Variants in FOCAD observed in about 807,000 individuals in gnomAD.
The protein encoded by FOCAD is focadhesin.
A neutral mutation model predicts 225.6 loss-of-function variants in FOCAD; 198 were observed. The observed-to-expected ratio is 0.88, with a 90% CI of 0.78 to 0.99. The LOEUF (loss-of-function observed/expected upper bound fraction) is 0.99. FOCAD is among the 50% of genes least tolerant of loss of function. The probability of loss-of-function intolerance (pLI) is 0.00; values close to 1 mark genes in which losing one functional copy is unlikely to be tolerated. For synonymous variants in FOCAD, 897 were observed against 755.0 expected, an observed-to-expected ratio of 1.19 and a Z score of -3.08; for missense variants, 2,713 against 2,123.6, an observed-to-expected ratio of 1.28 and a Z score of -5.46.
At chr9:20,683,017 G>A (rs1437147482), upstream of FOCAD, among the ~76,000 whole-genome samples, 1 of 152,044 alleles carries the variant, frequency 6.6e-6, no homozygotes, top group Non-Finnish European at 1.5e-5. Flanking sequence ...CGCCCTCCTC[G>A]GCCTCCCAAA....
rs376690505 is a variant in FOCAD, at chr9:20,948,327, A to G, written c.3732A>G (p.Gly1244=). 9 of 1,612,380 alleles carry G rather than the reference A, an allele frequency of 5.6e-6. No individual in the cohort carries two copies. Among genetic ancestry groups the G allele is most frequent in the Non-Finnish European group, 6.8e-6 (8 of 1,179,006 alleles). ...GNIVHGLSVC[G]HGKAEDLGSK... is the part of the protein sequence containing the mutation. ...TAGTTCATGGATTGTCTGTGTGTGG[A>G]CATGGAAAAGCTGAAGACTTGGGCA... Residue 1244 remains glycine (G), a synonymous_variant, in exon 31 of 44, where the codon GGA becomes GGG. Transcript: ENST00000338382.
At chr9:20,750,385 C>A (rs1421933005) in intron 5 of FOCAD, among the ~76,000 whole-genome samples, 1 of 152,112 alleles carries the variant, frequency 6.6e-6, no homozygotes, top group African/African-American at 2.4e-5. Context: ...ATTGTACCCA[C>A]TTATGTAGTT....
At chr9:20,791,575 A>G (rs1323230443) in intron 11 of FOCAD, among the ~76,000 whole-genome samples, 1 of 152,202 alleles carries the variant, frequency 6.6e-6, no homozygotes, top group East Asian at 1.9e-4. Flanking sequence ...TTCAAGGTAC[A>G]GTTTCTTTCC....
chr9:20,931,214 G>C (rs2132211175), intron 27 of FOCAD, among the ~76,000 whole-genome samples: 1 of 152,216 alleles, frequency 6.6e-6, no homozygotes, highest in East Asian at 1.9e-4. Context: ...TTCCATTCCT[G>C]TCTGTCTGAC....
chr9:20,768,533 GGT>G (rs1408920958), intron 7 of FOCAD, among the ~76,000 whole-genome samples: 4 of 151,512 alleles, frequency 2.6e-5, no homozygotes, highest in African/African-American at 9.7e-5. Flanking sequence ...TCCTTGAAGA[GGT>G]CCTTCACATC....
intron 15 of FOCAD, among the ~76,000 whole-genome samples, chr9:20,844,232 C>A (rs1826837402): frequency 6.6e-6 from 1 of 151,526 alleles, no homozygotes; most frequent in Non-Finnish European, 1.5e-5. Flanking sequence ...TTTATTTAAT[C>A]ATTCATGTTT....
At chr9:20,911,958 A>C (rs1271284213) in intron 22 of FOCAD, among the ~76,000 whole-genome samples, 1 of 152,164 alleles carries the variant, frequency 6.6e-6, no homozygotes, top group African/African-American at 2.4e-5. Context: ...ACTAGTAAAC[A>C]ATGAAATAAC....
intron 42 of FOCAD, 27 bp downstream of exon 42, chr9:20,990,401 A>G (rs1564253331): frequency 7.5e-6 from 12 of 1,609,210 alleles, no homozygotes; most frequent in Middle Eastern, 2.0e-4. Context: ...CCTGCTTAGC[A>G]GGGCAGGCAG....
At chr9:20,668,827 G>T (rs2131272978) in intron 2 of FOCAD, among the ~76,000 whole-genome samples, 1 of 152,286 alleles carries the variant, frequency 6.6e-6, no homozygotes, top group Admixed American at 6.5e-5. Flanking sequence ...ATTCTGGACG[G>T]AAACAAAATG....
intron 35 of FOCAD, among the ~76,000 whole-genome samples, chr9:20,962,767 G>A (rs996654431): frequency 6.6e-6 from 1 of 152,114 alleles, no homozygotes; most frequent in African/African-American, 2.4e-5. Context: ...TTTGTTTCCA[G>A]GTTTTACAAC....
chr9:20,707,700 G>A (rs1400890477), intron 1 of FOCAD, among the ~76,000 whole-genome samples: 1 of 152,098 alleles, frequency 6.6e-6, no homozygotes, highest in South Asian at 2.1e-4. Context: ...GAAGAAAAGG[G>A]GAGGTTGGTC....
At chr9:20,763,546 G>T (rs564507615) in intron 6 of FOCAD, among the ~76,000 whole-genome samples, 8 of 152,322 alleles carry the variant, frequency 5.3e-5, no homozygotes, top group African/African-American at 1.9e-4. Flanking sequence ...AAGTGTCAAG[G>T]AAGGACCTGA....
chr9:20,819,804 T>C lies in FOCAD; in HGVS notation c.1464T>C (p.Asn488=). 6.5e-7 allele frequency: 1 copy of C among 1,530,808 alleles called. No individual in the cohort carries two copies. The highest frequency in any genetic ancestry group is 8.8e-7 in the Non-Finnish European group (1 of 1,140,444). 94.8% of individuals were successfully genotyped at this position (1,530,808 alleles called of 1,614,324 possible). A position where few individuals can be genotyped will look rare whatever the true frequency, so the allele number is the denominator to read the frequency against. ...LAQADSSQVP[N]LIPVLMFKLG... ...TTAAAAATTCATTTTAGGTGCCAAA[T>C]CTGATTCCAGTTTTGATGTTCAAAT... Residue 488 remains asparagine (N), a synonymous_variant, in exon 12 of 44, where the codon AAT becomes AAC. Transcript: ENST00000338382.
intron 37 of FOCAD, among the ~76,000 whole-genome samples, chr9:20,979,327 C>T (rs924593924): frequency 5.3e-5 from 8 of 152,002 alleles, no homozygotes; most frequent in Non-Finnish European, 1.2e-4. Flanking sequence ...CCCTATTCAG[C>T]CTTGTTTCTG....
intron 4 of FOCAD, among the ~76,000 whole-genome samples, chr9:20,728,054 G>A (rs1367482778): frequency 6.6e-6 from 1 of 152,180 alleles, no homozygotes; most frequent in East Asian, 1.9e-4. Flanking sequence ...CATATACACA[G>A]TAGTAATTAT....
intron 41 of FOCAD, 90 bp from the exon 42 acceptor site, chr9:20,990,033 T>C: frequency 1.3e-6 from 2 of 1,492,172 alleles, no homozygotes; most frequent in Non-Finnish European, 1.8e-6. Flanking sequence ...GAAGATGACA[T>C]TGCCTCACGA....
intron 35 of FOCAD, among the ~76,000 whole-genome samples, chr9:20,968,916 A>C (rs1214722270): frequency 6.6e-6 from 1 of 152,100 alleles, no homozygotes; most frequent in African/African-American, 2.4e-5. Context: ...ATTGCTGTAG[A>C]TGTCCCCCAG....
chr9:20,805,896 C>G (rs984789720), intron 11 of FOCAD, among the ~76,000 whole-genome samples: 2 of 152,138 alleles, frequency 1.3e-5, no homozygotes, highest in African/African-American at 2.4e-5. Context: ...GAGGCTTGAC[C>G]TAGCTGCTGC....
chr9:20,775,532 A>G (rs571347317), intron 8 of FOCAD, among the ~76,000 whole-genome samples: 1 of 152,354 alleles, frequency 6.6e-6, no homozygotes, highest in South Asian at 2.1e-4. Context: ...GGAACAGAGT[A>G]CGTAGCAAAG....
Sources: allele counts gnomAD v4.1 joint callset (sites outside exome capture counted in the v4.1 genomes callset), GRCh38; gene constraint gnomAD v4.1.1; transcripts MANE v1.5; gene names NCBI Gene and HGNC (gene_info 2026-07-23, HGNC 2026-07-21).